Variants in ZNF705G observed in about 807,000 individuals in gnomAD.
The protein encoded by ZNF705G is zinc finger protein 705G, also known as putative zinc finger protein 705G.
ZNF705G carries 23 observed loss-of-function variants against 19.6 expected under a neutral mutation model. The observed-to-expected ratio is 1.17, with a 90% CI of 0.84 to 1.66. ZNF705G has a LOEUF of 1.66. Among genes scored for constraint, ZNF705G ranks in the 40% most tolerant of loss-of-function variants. ZNF705G has a pLI of 0.00. For missense variants in ZNF705G, 457 were observed against 354.4 expected, an observed-to-expected ratio of 1.29 and a Z score of -2.32; for synonymous variants, 146 against 117.7, an observed-to-expected ratio of 1.24 and a Z score of -1.56.
At chr8:7,358,632 A>T (rs1309668731) in intron 6 of ZNF705G, 72 bp from the exon 7 acceptor site, 1 of 1,587,938 alleles carries the variant, frequency 6.3e-7, no homozygotes, top group Admixed American at 1.7e-5. Context: ...ACTACCTTTG[A>T]ATCCTAGACC....
At position 7,357,656 on chromosome 8, in the gene ZNF705G, C is replaced by G. The variant is rs1173115483; in HGVS notation, c.*320G>C. 2.1e-6 allele frequency: 1 copy of G among 474,900 alleles called. No homozygotes were observed. Among genetic ancestry groups the G allele is most frequent in the Non-Finnish European group, 3.7e-6 (1 of 272,346 alleles). The allele number at this position is 474,900 out of a possible 1,614,324, so 29.4% of individuals were successfully genotyped here. On this transcript the variant is annotated 3_prime_UTR_variant, in exon 7 of 7. Coordinates refer to ENST00000400156, the MANE Select transcript of ZNF705G (RefSeq NM_001164457.3). ...TTGGTACATACATGTCATACAATTT[C>G]TCTTCCATATGAATTTATTGATGTG...
rs764261592 is a variant in ZNF705G, at chr8:7,361,105, C to T, written c.139+5G>A. 1.3e-6 allele frequency: 2 copies of T among 1,592,576 alleles called. No homozygotes were observed. Among genetic ancestry groups the T allele is most frequent in the Admixed American group, 1.7e-5 (1 of 59,932 alleles). ...ACATATGTACATGAATGTTCAGGGACTCACCGAGGGACACCAGGTGACTGA... is the reference window on the plus strand; with the variant it reads ...ACATATGTACATGAATGTTCAGGGATTCACCGAGGGACACCAGGTGACTGA... On this transcript the variant is annotated splice_donor_5th_base_variant and intron_variant, in intron 4 of 6. Transcript: ENST00000400156.
At chr8:7,384,167 T>A (rs1284752701) in intron 1 of ZNF705G, among the ~76,000 whole-genome samples, 7 of 132,546 alleles carry the variant, frequency 5.3e-5, no homozygotes, top group Non-Finnish European at 1.1e-4. Context: ...TAACCCTGGT[T>A]TCAAAACTTT....
rs150026362 is a variant in ZNF705G, at chr8:7,356,464, G to A, written c.*1512C>T. The A allele has an allele frequency of 6.7e-6, 1 of 149,790 alleles. No homozygotes were observed. 9.3% of individuals were successfully genotyped at this position (149,790 alleles called of 1,614,324 possible). On this transcript the variant is annotated 3_prime_UTR_variant, in exon 7 of 7. Coordinates refer to ENST00000400156, the MANE Select transcript of ZNF705G (RefSeq NM_001164457.3). ...GATCCCAGTTAACTGCCTAGAGACA[G>A]AGGAAAGGGCTGCGGACACCCAAAT...
chr8:7,379,268 A>T (rs1473843423), intron 2 of ZNF705G, among the ~76,000 whole-genome samples: 1 of 147,364 alleles, frequency 6.8e-6, no homozygotes, highest in Non-Finnish European at 1.5e-5. Context: ...ATTCCAACCA[A>T]CTCAACCCTA....
In ZNF705G at chr8:7,358,202, C is replaced by T. The variant is rs764392928; in HGVS notation, c.677G>A (p.Arg226Lys). 3.3e-5 allele frequency: 53 copies of T among 1,607,494 alleles called. No individual in the cohort carries two copies. Among genetic ancestry groups the T allele is most frequent in the Non-Finnish European group, 4.2e-5 (50 of 1,179,622 alleles). ...CCCATATTGATGACACTTATATGGT[C>T]TCTGTCCCGTGTGAGTTTTCTCGTG... The part of the protein sequence containing the change: ...RRHEKTHTGQ[R>K]PYKCHQYGKV... Residue 226 changes from arginine to lysine, a missense_variant, in exon 7 of 7, where the codon AGA (arginine) becomes AAA (lysine). Arg to Lys is a conservative substitution (Grantham distance 26). Coordinates refer to ENST00000400156, the MANE Select transcript of ZNF705G (RefSeq NM_001164457.3).
In ZNF705G at chr8:7,357,010, A is replaced by C. The variant is rs1022840905; in HGVS notation, c.*966T>G. On this transcript the variant is annotated 3_prime_UTR_variant, in exon 7 of 7. Transcript: ENST00000400156. ...GTTAAGAGTTTTTTCTAGGGGTCCA[A>C]CTTCTTGACTCACTTTTCTGATGAG... 6.7e-6 allele frequency: 1 copy of C among 149,856 alleles called. No homozygotes were observed. Among genetic ancestry groups the C allele is most frequent in the African/African-American group, 2.6e-5 (1 of 39,196 alleles). 9.3% of individuals were successfully genotyped at this position (149,856 alleles called of 1,614,324 possible).
chr8:7,360,073 A>T (rs1398754721), intron 5 of ZNF705G, among the ~76,000 whole-genome samples, 164 bp downstream of exon 5: 2 of 149,540 alleles, frequency 1.3e-5, no homozygotes, highest in Non-Finnish European at 2.9e-5. Flanking sequence ...AGCATCTGAC[A>T]CATGAACAAA....
chr8:7,358,766 C>T (rs565554852), intron 6 of ZNF705G, among the ~76,000 whole-genome samples: 4 of 149,460 alleles, frequency 2.7e-5, no homozygotes, highest in Non-Finnish European at 4.4e-5. Context: ...CTGGGTCACA[C>T]AAACCTGCCT....
intron 2 of ZNF705G, among the ~76,000 whole-genome samples, chr8:7,364,123 T>C (rs1005864383): frequency 7.4e-5 from 11 of 149,640 alleles, no homozygotes; most frequent in Non-Finnish European, 1.3e-4. Context: ...TTGCAATATC[T>C]CTGATTATCA....
intron 5 of ZNF705G, 126 bp from the exon 6 acceptor site, chr8:7,359,827 A>G: frequency 7.2e-7 from 1 of 1,387,462 alleles, no homozygotes; most frequent in Non-Finnish European, 1.0e-6. Flanking sequence ...TCAAATGAAG[A>G]AACTACTTGA....
chr8:7,364,581 G>A (rs1265992082), intron 2 of ZNF705G, among the ~76,000 whole-genome samples: 2 of 149,510 alleles, frequency 1.3e-5, no homozygotes, highest in African/African-American at 5.1e-5. Context: ...GCCTCTTCTT[G>A]CTTTTTGACA....
Position 7,361,383 on chromosome 8 carries a change from G to A in ZNF705G, c.13-147C>T, listed in dbSNP as rs1368446809. 13 of 1,381,742 alleles carry A rather than the reference G, an allele frequency of 9.4e-6. No individual in the cohort carries two copies. The South Asian group carries it at 1.8e-4, about 19-fold the overall frequency. The allele number at this position is 1,381,742 out of a possible 1,614,324, so 85.6% of individuals were successfully genotyped here. A position where few individuals can be genotyped will look rare whatever the true frequency, so the allele number is the denominator to read the frequency against. Reference sequence around the variant, plus strand: ...CCAGTTCATTCTCAGTACTAAGCTGGTATCTGCCTTTCAGATTCACTCACA... The same window carrying A: ...CCAGTTCATTCTCAGTACTAAGCTGATATCTGCCTTTCAGATTCACTCACA... On this transcript the variant is annotated intron_variant, in intron 3 of 6. Coordinates refer to ENST00000400156, the MANE Select transcript of ZNF705G (RefSeq NM_001164457.3).
chr8:7,366,999 T>C (rs1391562710), intron 2 of ZNF705G, among the ~76,000 whole-genome samples: 2 of 149,712 alleles, frequency 1.3e-5, no homozygotes, highest in African/African-American at 2.6e-5. Flanking sequence ...TATAGTCACA[T>C]GTGACTAGTA....
rs1323571705 is a variant in ZNF705G at position 7,359,486 on chromosome 8, CA to C, written c.318+132del. 39 of 1,423,280 alleles carry C rather than the reference CA, an allele frequency of 2.7e-5. 1 individual carries two copies. Among genetic ancestry groups the C allele is most frequent in the Middle Eastern group, 5.2e-4 (2 of 3,870 alleles). 88.2% of individuals were successfully genotyped at this position (1,423,280 alleles called of 1,614,324 possible). On this transcript the variant is annotated intron_variant, in intron 6 of 6. Coordinates refer to ENST00000400156, the MANE Select transcript of ZNF705G (RefSeq NM_001164457.3). Reference sequence around the variant, plus strand: ...ATGTATTCACTAAATTCAAAGTATCCAATTTTTTTTTTTTGCTTAGAAAACA... The same window carrying C: ...ATGTATTCACTAAATTCAAAGTATCCATTTTTTTTTTTTGCTTAGAAAACA...
rs1807216179 is a variant in ZNF705G at position 7,375,378 on chromosome 8, A to G, written c.-72+6074T>C. 2.1e-5 allele frequency among the ~76,000 whole-genome samples: 2 copies of G among 93,608 alleles called. 1 individual carries two copies. Among genetic ancestry groups the G allele is most frequent in the Non-Finnish European group, 4.2e-5 (2 of 47,884 alleles). 61.4% of individuals were successfully genotyped at this position (93,608 alleles called of 152,430 possible). A position where few individuals can be genotyped will look rare whatever the true frequency, so the allele number is the denominator to read the frequency against. On this transcript the variant is annotated intron_variant, in intron 2 of 6. Transcript: ENST00000400156. ...ACAATTTTGTTCTTTTTATGGATGCATAGTATTCCGTGACATATATGTACT... is the reference window on the plus strand; with the variant it reads ...ACAATTTTGTTCTTTTTATGGATGCGTAGTATTCCGTGACATATATGTACT...
intron 5 of ZNF705G, 72 bp from the exon 6 acceptor site, chr8:7,359,773 C>A: frequency 1.9e-6 from 3 of 1,599,734 alleles, no homozygotes; most frequent in Non-Finnish European, 2.6e-6. Flanking sequence ...CCCCAAAGCC[C>A]ACGTACTTTT....
chr8:7,374,282 G>T (rs1410927858), intron 2 of ZNF705G, among the ~76,000 whole-genome samples: 2 of 46,286 alleles, frequency 4.3e-5, no homozygotes, highest in East Asian at 1.4e-3. Context: ...TTGTTAAATA[G>T]TCATCCTGGC....
intron 2 of ZNF705G, among the ~76,000 whole-genome samples, chr8:7,377,953 CAAAA>C (rs1175739210): frequency 3.8e-4 from 20 of 53,080 alleles, no homozygotes; most frequent in East Asian, 1.1e-3. Flanking sequence ...GACACTGTCT[CAAAA>C]AAAAAAAAAA....
Sources: allele counts gnomAD v4.1 joint callset (sites outside exome capture counted in the v4.1 genomes callset), GRCh38; gene constraint gnomAD v4.1.1; transcripts MANE v1.5; gene names NCBI Gene and HGNC (gene_info 2026-07-23, HGNC 2026-07-21).